The following C4orf50 variants were observed in gnomAD, a reference collection of about 807,000 sequenced individuals.
C4orf50 encodes the protein chromosome 4 open reading frame 50, also known as uncharacterized protein C4orf50.
C4orf50 carries 80 observed loss-of-function variants against 77.2 expected under a neutral mutation model. The observed-to-expected ratio is 1.04, with a 90% CI of 0.87 to 1.25. The LOEUF (loss-of-function observed/expected upper bound fraction) is 1.25. Among genes scored for constraint, C4orf50 ranks in the 50% most tolerant of loss-of-function variants. C4orf50 has a pLI of 0.00. For missense variants in C4orf50, 1,257 were observed against 1,152.9 expected (o/e 1.09, Z -1.31); for synonymous variants, 532 against 465.3 (o/e 1.14, Z -1.84).
At chr4:5,961,047 A>C (rs552602191) in intron 33 of C4orf50, among the ~76,000 whole-genome samples, 1 of 152,246 alleles carries the variant, frequency 6.6e-6, no homozygotes, top group East Asian at 1.9e-4. Flanking sequence ...ATGGAAGGAC[A>C]AACAAGGACA....
At chr4:5,982,066 T>C (rs924120075) in intron 28 of C4orf50, among the ~76,000 whole-genome samples, 1 of 151,898 alleles carries the variant, frequency 6.6e-6, no homozygotes, top group Non-Finnish European at 1.5e-5. Context: ...TTTTAATTAA[T>C]AGAAATATAC....
At chr4:5,912,645 C>G (rs553740912) in intron 7 of C4orf50, among the ~76,000 whole-genome samples, 3 of 152,126 alleles carry the variant, frequency 2.0e-5, no homozygotes, top group African/African-American at 2.4e-5. Context: ...TTATTACTCA[C>G]AGTTCCCTAG....
intron 7 of C4orf50, among the ~76,000 whole-genome samples, chr4:5,909,582 G>A (rs1338917832): frequency 6.6e-6 from 1 of 152,078 alleles, no homozygotes; most frequent in Non-Finnish European, 1.5e-5. Context: ...TAAAATCTTT[G>A]CTCAGACCAA....
At position 5,988,622 on chromosome 4, in the gene C4orf50, G is replaced by A. The variant is rs991163753; in HGVS notation, c.3424C>T (p.Gln1142Ter). 3.3e-6 allele frequency: 5 copies of A among 1,536,050 alleles called. No homozygotes were observed. The highest frequency in any genetic ancestry group is 3.9e-5 in the Admixed American group (2 of 50,982). Residue 1142 changes from glutamine to a stop codon, truncating the protein, a stop_gained, in exon 28 of 34, where the codon CAG (glutamine) becomes TAG (stop). Transcript: ENST00000531445. LOFTEE classifies it high-confidence loss of function. Reference sequence around the variant, plus strand: ...GGCCCACAGGCTCTTGAAAGCAGCTGTCCTGTGAGTGGAGTCACCTGCACC... The same window carrying A: ...GGCCCACAGGCTCTTGAAAGCAGCTATCCTGTGAGTGGAGTCACCTGCACC...
downstream of C4orf50, among the ~76,000 whole-genome samples, chr4:5,956,437 A>G (rs879374870): frequency 1.3e-5 from 2 of 152,226 alleles, no homozygotes; most frequent in African/African-American, 2.4e-5. Context: ...TCTGGAGGAC[A>G]GGAACCTGGA....
chr4:5,956,692 G>C (rs1718976675), downstream of C4orf50: 1 of 152,334 alleles, frequency 6.6e-6, no homozygotes, highest in Non-Finnish European at 1.5e-5. Flanking sequence ...TGGCGGAGGG[G>C]TGCATTTACC....
At chr4:5,903,563 T>C (rs1716425178) in intron 7 of C4orf50, 1 of 152,208 alleles carries the variant, frequency 6.6e-6, no homozygotes, top group Non-Finnish European at 1.5e-5. Flanking sequence ...GACTGTATGA[T>C]TCCACTCACA....
chr4:5,917,822 C>T (rs933202376), intron 7 of C4orf50, among the ~76,000 whole-genome samples: 10 of 152,084 alleles, frequency 6.6e-5, no homozygotes, highest in African/African-American at 1.9e-4. Flanking sequence ...GTGCCCACCC[C>T]GGTCCTGGTT....
intron 7 of C4orf50, among the ~76,000 whole-genome samples, chr4:5,924,439 C>A (rs778971476): frequency 6.6e-6 from 1 of 152,192 alleles, no homozygotes; most frequent in Non-Finnish European, 1.5e-5. Context: ...ACAGGCACAG[C>A]ACATTCCCAG....
intron 7 of C4orf50, among the ~76,000 whole-genome samples, chr4:5,951,271 G>A (rs1401668376): frequency 2.6e-5 from 4 of 152,186 alleles, no homozygotes; most frequent in African/African-American, 7.2e-5. Context: ...ACAACTTAGT[G>A]TGAAATAGCT....
In C4orf50 at chr4:5,916,018, T is replaced by C. The variant is rs551897381; in HGVS notation, c.*2475-17830A>G. 1.4e-4 allele frequency among the ~76,000 whole-genome samples: 21 copies of C among 152,306 alleles called. No homozygotes were observed. The highest frequency in any genetic ancestry group is 3.9e-4 in the Admixed American group (6 of 15,302). On this transcript the variant is annotated intron_variant, in intron 7 of 7. Transcript: ENST00000324058. The surrounding 1 kb of genome is among the most constrained non-coding windows in gnomAD (Gnocchi z 4.4). ...TGAAAGGAACCAAACTGAAGTTGCC[T>C]GGGCAAAAATGGCACAGGAAGGCAA...
At chr4:5,980,418 T>C in intron 28 of C4orf50, 80 bp from the exon 7 acceptor site, 1 of 1,303,320 alleles carries the variant, frequency 7.7e-7, no homozygotes, top group East Asian at 2.7e-5. Context: ...GGTACCCGTT[T>C]CCCCACTCCG....
rs76319438 is a variant in C4orf50, at chr4:6,018,158, C to T, written c.274G>A (p.Gly92Arg). The stretch of plus-strand genomic sequence containing the variant: ...TGGCATCGCTACCTGCTTCTCAGCC[C>T]GGACTCCGATGTCACGTACTTGTCC... The change falls in exon 23 of 34, where the codon GGG (glycine) becomes AGG (arginine). Residue 92 changes from glycine (G) to arginine (R), a missense_variant. By Grantham distance (125) the Gly-to-Arg change is moderately radical (BLOSUM62 -2). Coordinates refer to ENST00000531445, the Ensembl canonical transcript of C4orf50. This position sits in a 1 kb window ranked among gnomAD's most constrained non-coding sequence, Gnocchi z 5.1. 4.3e-3 allele frequency: 1,710 copies of T among 398,810 alleles called. 20 individuals carry two copies. The highest frequency in any genetic ancestry group is 0.032 in the African/African-American group (1,579 of 48,720). 24.7% of individuals were successfully genotyped at this position (398,810 alleles called of 1,614,324 possible).
chr4:5,953,932 A>G (rs992979468), downstream of C4orf50, among the ~76,000 whole-genome samples: 1 of 152,252 alleles, frequency 6.6e-6, no homozygotes, highest in Non-Finnish European at 1.5e-5. Context: ...GCACAGCCCA[A>G]GGAAAGAGTA....
chr4:6,003,986 GA>G (rs1298389585), intron 25 of C4orf50, among the ~76,000 whole-genome samples: 1 of 141,868 alleles, frequency 7.0e-6, no homozygotes, highest in Non-Finnish European at 1.5e-5. Context: ...TGATAGTGAT[GA>G]TGGTGATGAT....
In C4orf50 at chr4:6,015,119, A is replaced by G. The variant is rs957314983; in HGVS notation, c.287+3026T>C. ...TCAGCCCAGGGCCCTGCCTTCCCCA[A>G]CTCTCAGCACCCAGGACTTCTGTTA... On this transcript the variant is annotated intron_variant, in intron 23 of 33. Coordinates refer to ENST00000531445, the Ensembl canonical transcript of C4orf50. This position sits in a 1 kb window ranked among gnomAD's most constrained non-coding sequence, Gnocchi z 4.4. Among the ~76,000 whole-genome samples, 3 of 151,520 alleles carry G rather than the reference A, an allele frequency of 2.0e-5. No individual in the cohort carries two copies. Among genetic ancestry groups the G allele is most frequent in the African/African-American group, 7.3e-5 (3 of 41,210 alleles).
chr4:5,927,667 T>C (rs1475785114), intron 7 of C4orf50, among the ~76,000 whole-genome samples: 1 of 152,074 alleles, frequency 6.6e-6, no homozygotes, highest in Non-Finnish European at 1.5e-5. Context: ...CCTACAGCCA[T>C]GTTAGATGTG....
exon 28 of C4orf50, chr4:5,988,537 C>T (rs1343137789): frequency 6.5e-7 from 1 of 1,537,348 alleles, no homozygotes; most frequent in Non-Finnish European, 8.7e-7. Flanking sequence ...TCTGGAATTC[C>T]CGGTGCCTGT....
At chr4:5,989,312 G>C (rs989944137) in exon 28 of C4orf50, 2 of 1,535,906 alleles carry the variant, frequency 1.3e-6, no homozygotes, top group South Asian at 1.2e-5. Flanking sequence ...GGCTCAGCAG[G>C]CCCCTGTGGA....
Sources: gnomAD v4.1 joint callset for allele counts (sites outside exome capture counted in the v4.1 genomes callset) on GRCh38, gnomAD v4.1.1 for gene constraint, Gnocchi (gnomAD v3.1) non-coding constraint, MANE v1.5 for transcripts, NCBI Gene and HGNC (gene_info 2026-07-23, HGNC 2026-07-21) for gene names.